The following SHC3 variants were observed in gnomAD, a reference collection of about 807,000 sequenced individuals.
The protein encoded by SHC3 is SHC-transforming protein 3.
A neutral mutation model predicts 60.4 loss-of-function variants in SHC3; 15 were observed. The ratio of observed to expected loss-of-function variants is 0.25; its 90% CI spans 0.17 to 0.38. The LOEUF (loss-of-function observed/expected upper bound fraction) is 0.38, where lower values mean the gene tolerates loss of function less well. Among genes scored for constraint, SHC3 ranks in the 10% least tolerant of loss-of-function variants. The pLI is 1.00. For missense variants in SHC3, 677 were observed against 786.1 expected, an observed-to-expected ratio of 0.86 and a Z score of 1.66; for synonymous variants, 294 against 325.9, an observed-to-expected ratio of 0.90 and a Z score of 1.05.
At chr9:89,154,782 G>A (rs141506752) in intron 1 of SHC3, among the ~76,000 whole-genome samples, 1 of 152,290 alleles carries the variant, frequency 6.6e-6, no homozygotes, top group Non-Finnish European at 1.5e-5. Flanking sequence ...AAGTATGACT[G>A]GGGTTTGGTT....
At chr9:89,030,305 A>G (rs1824462254) in intron 11 of SHC3, among the ~76,000 whole-genome samples, 1 of 152,224 alleles carries the variant, frequency 6.6e-6, no homozygotes, top group Admixed American at 6.5e-5. Flanking sequence ...ACTTTTAATA[A>G]TGAATAGAAC....
At chr9:89,097,338 G>T (rs1825720107) in intron 2 of SHC3, among the ~76,000 whole-genome samples, 1 of 152,120 alleles carries the variant, frequency 6.6e-6, no homozygotes, top group Non-Finnish European at 1.5e-5. Context: ...TATATAACAA[G>T]TCTTCATTTC....
intron 11 of SHC3, among the ~76,000 whole-genome samples, chr9:89,025,145 G>T (rs936903461): frequency 1.3e-5 from 2 of 152,090 alleles, no homozygotes; most frequent in African/African-American, 4.8e-5. Flanking sequence ...AGGCAAAGCC[G>T]TCAGATGGGG....
chr9:89,070,078 C>T (rs1263729277), intron 5 of SHC3, among the ~76,000 whole-genome samples: 1 of 152,044 alleles, frequency 6.6e-6, no homozygotes, highest in Admixed American at 6.5e-5. Context: ...CATAATTTGG[C>T]TAAAGAATGC....
intron 6 of SHC3, among the ~76,000 whole-genome samples, chr9:89,055,481 G>T (rs2117940278): frequency 1.3e-5 from 2 of 152,308 alleles, no homozygotes; most frequent in African/African-American, 4.8e-5. Context: ...TTTCATTCTT[G>T]CTTACTCATT....
At chr9:89,170,001 C>A (rs567033670) in intron 1 of SHC3, among the ~76,000 whole-genome samples, 2 of 152,058 alleles carry the variant, frequency 1.3e-5, no homozygotes, top group Admixed American at 6.6e-5. Context: ...CAGGGATGGG[C>A]AGGACAAATG....
chr9:89,025,502 A>G (rs998296856), intron 11 of SHC3, among the ~76,000 whole-genome samples: 1 of 152,162 alleles, frequency 6.6e-6, no homozygotes, highest in Non-Finnish European at 1.5e-5. Context: ...CTAAAAATAA[A>G]ATTTGAAGCC....
chr9:89,162,362 C>A (rs1826720636), intron 1 of SHC3, among the ~76,000 whole-genome samples: 1 of 152,056 alleles, frequency 6.6e-6, no homozygotes, highest in South Asian at 2.1e-4. Flanking sequence ...GCTACAGTAA[C>A]CAAAACAGCA....
chr9:89,109,782 T>A, intron 2 of SHC3: 1 of 985,516 alleles, frequency 1.0e-6, no homozygotes, highest in Non-Finnish European at 1.2e-6. Context: ...GTTTGCTCTT[T>A]TGTTCAGACT....
At chr9:89,169,218 T>C (rs1343411105) in intron 1 of SHC3, among the ~76,000 whole-genome samples, 1 of 152,186 alleles carries the variant, frequency 6.6e-6, no homozygotes, top group African/African-American at 2.4e-5. Flanking sequence ...TGCCGGACAC[T>C]GAGCAGAGGA....
intron 2 of SHC3, among the ~76,000 whole-genome samples, chr9:89,098,015 A>G (rs2118074420): frequency 6.6e-6 from 1 of 152,318 alleles, no homozygotes; most frequent in South Asian, 2.1e-4. Flanking sequence ...CATCATCAAT[A>G]TTGGGCCACA....
intron 1 of SHC3, among the ~76,000 whole-genome samples, chr9:89,169,026 ACC>A (rs1174486242): frequency 6.6e-6 from 1 of 152,196 alleles, no homozygotes; most frequent in East Asian, 1.9e-4. Flanking sequence ...GGTCTGGCCC[ACC>A]CTGCAGATCT....
At chr9:89,117,837 G>C (rs752476622) in intron 1 of SHC3, among the ~76,000 whole-genome samples, 5 of 151,958 alleles carry the variant, frequency 3.3e-5, no homozygotes, top group Non-Finnish European at 5.9e-5. Flanking sequence ...TGTCTACATA[G>C]GATATGGGAA....
rs142005790 is a variant in SHC3 at position 89,151,550 on chromosome 9, G to A, written c.474+26437C>T. On this transcript the variant is annotated intron_variant, in intron 1 of 11. Transcript: ENST00000375835. ...TGATCTTGGACTTCAGGCCTCTGTT[G>A]TTTGTAAATTACCCAGTTTAAGGTA... Among the ~76,000 whole-genome samples, 635 of 152,240 alleles carry A rather than the reference G, an allele frequency of 4.2e-3. 1 individual carries two copies. Among genetic ancestry groups the A allele is most frequent in the African/African-American group, 0.014 (596 of 41,576 alleles).
Position 89,042,078 on chromosome 9 carries a change from C to G in SHC3, c.1308G>C (p.Pro436=). The G allele has an allele frequency of 6.2e-7, 1 of 1,605,434 alleles. No homozygotes were observed. Among genetic ancestry groups the G allele is most frequent in the Non-Finnish European group, 8.5e-7 (1 of 1,177,946 alleles). The change falls in exon 10 of 12, where the codon CCG becomes CCC. Residue 436 remains proline (P), a synonymous_variant. Coordinates refer to ENST00000375835, the MANE Select transcript of SHC3 (RefSeq NM_016848.6). ...NTQQIPPQAW[P]AAVSSAESSP... is the part of the protein sequence containing the mutation. ...TGCTCTCAGCACTGCTGACCGCAGCCGGCCAGGCCTGTGGTGGGATCTGCT... is the reference window on the plus strand; with the variant it reads ...TGCTCTCAGCACTGCTGACCGCAGCGGGCCAGGCCTGTGGTGGGATCTGCT...
At position 89,011,928 on chromosome 9, in the gene SHC3, C is replaced by T. The variant is rs1293208273; in HGVS notation, c.*1519G>A. Reference sequence around the variant, plus strand: ...CACACCCCAAGGCAGAAATGGGGCTCATACCATTGGCATTAGAACTTAGCA... The same window carrying T: ...CACACCCCAAGGCAGAAATGGGGCTTATACCATTGGCATTAGAACTTAGCA... On this transcript the variant is annotated 3_prime_UTR_variant, in exon 12 of 12. Coordinates refer to ENST00000375835, the MANE Select transcript of SHC3 (RefSeq NM_016848.6). The T allele has an allele frequency of 6.6e-6, 1 of 152,322 alleles. No homozygotes were observed. Among genetic ancestry groups the T allele is most frequent in the Non-Finnish European group, 1.5e-5 (1 of 68,132 alleles). The allele number at this position is 152,322 out of a possible 1,614,324, so 9.4% of individuals were successfully genotyped here.
At chr9:89,050,208 C>G (rs1160541629) in intron 7 of SHC3, among the ~76,000 whole-genome samples, 1 of 152,108 alleles carries the variant, frequency 6.6e-6, no homozygotes. Flanking sequence ...TCAAATGCAA[C>G]CCATTTACCC....
intron 11 of SHC3, among the ~76,000 whole-genome samples, chr9:89,017,144 C>G (rs1035986511): frequency 6.6e-6 from 1 of 152,124 alleles, no homozygotes; most frequent in African/African-American, 2.4e-5. Flanking sequence ...TTAGAAAAAA[C>G]TACTTTAAAT....
chr9:89,076,660 C>T (rs544603532), intron 3 of SHC3, among the ~76,000 whole-genome samples: 22 of 152,130 alleles, frequency 1.4e-4, no homozygotes, highest in African/African-American at 5.3e-4. Flanking sequence ...GCCCTCTGAG[C>T]TTGCTCTCAG....
Sources: gnomAD v4.1 joint callset for allele counts (sites outside exome capture counted in the v4.1 genomes callset) on GRCh38, gnomAD v4.1.1 for gene constraint, MANE v1.5 for transcripts, NCBI Gene and HGNC (gene_info 2026-07-23, HGNC 2026-07-21) for gene names.